BNIP5: variants seen among roughly 807,000 people sequenced by gnomAD.
BNIP5 encodes BCL2 interacting protein 5, also known as protein BNIP5.
In BNIP5, 61 loss-of-function variants were observed where a neutral mutation model predicts 67.3. The ratio of observed to expected loss-of-function variants is 0.91; its 90% confidence interval spans 0.74 to 1.12. BNIP5 has a LOEUF of 1.12. Ranked by LOEUF, BNIP5 falls within the 50% of genes most tolerant of loss-of-function variation. The pLI is 0.00. For missense variants in BNIP5, 826 were observed against 816.3 expected (o/e 1.01, Z -0.14); for synonymous variants, 317 against 319.0 (o/e 0.99, Z 0.07).
At chr6:36,325,581 C>T (rs1399403868) in intron 5 of BNIP5, among the ~76,000 whole-genome samples, 167 bp from the exon 6 acceptor site, 1 of 152,196 alleles carries the variant, frequency 6.6e-6, no homozygotes, top group East Asian at 1.9e-4. Context: ...TTTACTGGCC[C>T]AGACCGAGTT....
chr6:36,322,030 G>C (rs1461187219), intron 9 of BNIP5, among the ~76,000 whole-genome samples: 2 of 152,222 alleles, frequency 1.3e-5, no homozygotes, highest in African/African-American at 4.8e-5. Context: ...ATGAGACCCG[G>C]AGCAAGCTAG....
chr6:36,321,101 A>G, intron 10 of BNIP5, 54 bp downstream of exon 10: 1 of 584,948 alleles, frequency 1.7e-6, no homozygotes, highest in Non-Finnish European at 2.6e-6. Context: ...GATGGAACCC[A>G]GGTGGGTAGA....
Position 36,321,832 on chromosome 6 carries a change from C to G in BNIP5, c.1603+479G>C, listed in dbSNP as rs1044679671. ...CAGTGATTCTCCTGCCTCAGCCTCC[C>G]AAGTAGCTGGGATTACAGGCACACA... is the stretch of plus-strand genomic sequence containing the variant. On this transcript the variant is annotated intron_variant, in intron 9 of 11. Transcript: ENST00000437635. Among the ~76,000 whole-genome samples, 5 of 152,180 alleles carry G rather than the reference C, an allele frequency of 3.3e-5. No individual in the cohort carries two copies. In the East Asian group the frequency reaches 9.6e-4, roughly 29 times the overall value.
intron 3 of BNIP5, among the ~76,000 whole-genome samples, chr6:36,327,388 C>A (rs1582131068): frequency 6.6e-6 from 1 of 152,234 alleles, no homozygotes; most frequent in African/African-American, 2.4e-5. Context: ...ACTTTGGGTT[C>A]AGTAAGCTGT....
intron 3 of BNIP5, 149 bp from the exon 4 acceptor site, chr6:36,327,243 G>C: frequency 1.4e-6 from 1 of 708,742 alleles, no homozygotes; most frequent in South Asian, 1.8e-5. Flanking sequence ...TCTTCTGAGA[G>C]AAGGTTGGAA....
intron 4 of BNIP5, 115 bp downstream of exon 4, chr6:36,326,915 A>G (rs1771776406): frequency 7.3e-7 from 1 of 1,371,870 alleles, no homozygotes; most frequent in Non-Finnish European, 1.0e-6. Context: ...CTGCAGAAGG[A>G]GGCTTCAGGG....
chr6:36,323,857 G>T (rs772843811), intron 7 of BNIP5, among the ~76,000 whole-genome samples: 2 of 152,050 alleles, frequency 1.3e-5, no homozygotes, highest in Non-Finnish European at 2.9e-5. Context: ...AAAATTAGCC[G>T]GGTGTGGTGG....
chr6:36,328,522 A>G (rs1771812784), intron 3 of BNIP5, 76 bp downstream of exon 3: 2 of 899,802 alleles, frequency 2.2e-6, no homozygotes, highest in Non-Finnish European at 1.9e-6. Flanking sequence ...CTCAGTAATC[A>G]TTCAGAACAA....
intron 2 of BNIP5, among the ~76,000 whole-genome samples, chr6:36,329,812 G>C (rs546806235): frequency 1.4e-5 from 2 of 140,118 alleles, no homozygotes; most frequent in South Asian, 4.5e-4. Flanking sequence ...ATCTCAAAAA[G>C]AAAAAAGAAA....
intron 6 of BNIP5, 53 bp downstream of exon 6, chr6:36,325,230 G>C: frequency 6.3e-7 from 1 of 1,589,122 alleles, no homozygotes; most frequent in Non-Finnish European, 8.6e-7. Flanking sequence ...AAGTGGGGGA[G>C]TCAGAACAGA....
intron 1 of BNIP5, among the ~76,000 whole-genome samples, chr6:36,334,567 G>T (rs1409328267): frequency 1.3e-5 from 2 of 152,096 alleles, no homozygotes; most frequent in African/African-American, 4.8e-5. Flanking sequence ...ATTGTCTTCA[G>T]CTCTAGGCCA....
rs562359178 is a variant in BNIP5, at chr6:36,317,265, T to C, written c.*91A>G. ...TTCCATCACGTTTGTGAAGCAGGGA[T>C]TGGGACATCACAGAGCATCTTCAGG... On this transcript the variant is annotated 3_prime_UTR_variant, in exon 12 of 12. Coordinates refer to ENST00000437635, the MANE Select transcript of BNIP5 (RefSeq NM_001010903.5). The C allele has an allele frequency of 7.2e-5, 70 of 978,388 alleles. No individual in the cohort carries two copies. Among genetic ancestry groups the C allele is most frequent in the Admixed American group, 1.0e-4 (6 of 59,170 alleles). The allele number at this position is 978,388 out of a possible 1,614,324, so 60.6% of individuals were successfully genotyped here.
chr6:36,330,477 T>A lies in BNIP5; in HGVS notation c.214A>T (p.Thr72Ser), dbSNP rs1771871864. 6.2e-7 allele frequency: 1 copy of A among 1,614,066 alleles called. No homozygotes were observed. Among genetic ancestry groups the A allele is most frequent in the Admixed American group, 1.7e-5 (1 of 60,020 alleles). The change falls in exon 2 of 12, where the codon ACC becomes TCC. Residue 72 changes from threonine (T) to serine (S), a missense_variant. Physicochemically the swap from Thr to Ser is moderately conservative, Grantham distance 58. Transcript: ENST00000437635. The part of the protein sequence containing the change: ...PAPSAEAHCT[T>S]AAAPTPEETG... ...TCCTCGGGAGTGGGGGCTGCAGCGG[T>A]GGTGCAGTGAGCCTCTGCAGATGGA...
chr6:36,325,288 T>A lies in BNIP5; in HGVS notation c.1163A>T (p.Glu388Val), dbSNP rs750760108. Reference sequence around the variant, plus strand: ...AAAAAGAGAGGAGTACTGACTGTATTCCGAGGCTCTGTCCAGCGGAAGCTC... The same window carrying A: ...AAAAAGAGAGGAGTACTGACTGTATACCGAGGCTCTGTCCAGCGGAAGCTC... ...GEELPLDRAS[E>V]YKEFIQKIIS... Residue 388 changes from glutamate to valine, a missense_variant, in exon 6 of 12, where the codon GAA becomes GTA. Glu to Val is a moderately radical substitution (Grantham distance 121). Transcript: ENST00000437635. 3 of 1,614,120 alleles carry A rather than the reference T, an allele frequency of 1.9e-6. No individual in the cohort carries two copies. In the South Asian group the frequency reaches 3.3e-5, roughly 18 times the overall value.
In BNIP5 at chr6:36,322,599, A is replaced by G. The variant is rs564121364; in HGVS notation, c.1472-157T>C. On this transcript the variant is annotated intron_variant, in intron 8 of 11. Coordinates refer to ENST00000437635, the MANE Select transcript of BNIP5 (RefSeq NM_001010903.5). ...TCTGCCTCAGAGGAGTTCGTGGTGC[A>G]CTCCTGGCCTTCTCCAGAAACCTAA... 4.6e-5 allele frequency among the ~76,000 whole-genome samples: 7 copies of G among 151,950 alleles called. No homozygotes were observed. In the East Asian group the frequency reaches 1.2e-3, roughly 25 times the overall value.
At position 36,316,245 on chromosome 6, in the gene BNIP5, T is replaced by TGA; in HGVS notation, c.*1110_*1111insTC. On this transcript the variant is annotated 3_prime_UTR_variant, in exon 12 of 12. Transcript: ENST00000437635. ...TAACACCCTTTCCCCCATGACCACA[T>TGA]GTTCTGGGCAGTGTCCAAGGGAGCC... is the stretch of plus-strand genomic sequence containing the variant. 1 of 348,630 alleles carries TGA rather than the reference T, an allele frequency of 2.9e-6. No individual in the cohort carries two copies. Among genetic ancestry groups the TGA allele is most frequent in the East Asian group, 4.2e-5 (1 of 23,748 alleles). 21.6% of individuals were successfully genotyped at this position (348,630 alleles called of 1,614,324 possible). A position where few individuals can be genotyped will look rare whatever the true frequency, so the allele number is the denominator to read the frequency against.
At chr6:36,318,286 C>T (rs1319818366) in intron 11 of BNIP5, among the ~76,000 whole-genome samples, 1 of 152,200 alleles carries the variant, frequency 6.6e-6, no homozygotes, top group Admixed American at 6.5e-5. Flanking sequence ...TAAAGTTACA[C>T]CTTCATTCAG....
At chr6:36,317,898 A>G (rs1771554275) in intron 11 of BNIP5, among the ~76,000 whole-genome samples, 1 of 152,192 alleles carries the variant, frequency 6.6e-6, no homozygotes, top group Non-Finnish European at 1.5e-5. Context: ...TTTCTATAAT[A>G]TCTTTCACGA....
intron 5 of BNIP5, among the ~76,000 whole-genome samples, chr6:36,325,964 C>T (rs374959894): frequency 6.6e-6 from 1 of 152,222 alleles, no homozygotes; most frequent in Admixed American, 6.5e-5. Flanking sequence ...CTCCCAAAGC[C>T]TCAGGTCCTT....
Sources: gnomAD v4.1 joint callset for allele counts (sites outside exome capture counted in the v4.1 genomes callset) on GRCh38, gnomAD v4.1.1 for gene constraint, MANE v1.5 for transcripts, NCBI Gene and HGNC (gene_info 2026-07-23, HGNC 2026-07-21) for gene names.